PHLDB2: variants seen among roughly 807,000 people sequenced by gnomAD.
The protein encoded by PHLDB2 is pleckstrin homology-like domain family B member 2.
PHLDB2 carries 71 observed loss-of-function variants against 123.6 expected under a neutral mutation model. That is an observed-to-expected ratio of 0.57 (90% CI 0.47 to 0.70). The LOEUF (loss-of-function observed/expected upper bound fraction) is 0.70, where lower values mean the gene tolerates loss of function less well. Ranked by LOEUF, PHLDB2 falls within the 30% of genes least tolerant of loss-of-function variation. The pLI, the probability that PHLDB2 is intolerant of heterozygous loss-of-function variation, is 0.00. For synonymous variants in PHLDB2, 547 were observed against 541.6 expected (o/e 1.01, Z -0.14); for missense variants, 1,446 against 1,519.5 (o/e 0.95, Z 0.80).
At chr3:111,922,339 G>A (rs1350746819) in intron 5 of PHLDB2, among the ~76,000 whole-genome samples, 1 of 152,150 alleles carries the variant, frequency 6.6e-6, no homozygotes, top group Non-Finnish European at 1.5e-5. Flanking sequence ...TCACTTCCCA[G>A]GGAAAGTTAT....
At chr3:111,805,035 A>T (rs1032881214) in intron 1 of PHLDB2, among the ~76,000 whole-genome samples, 1 of 149,492 alleles carries the variant, frequency 6.7e-6, no homozygotes, top group Non-Finnish European at 1.5e-5. Flanking sequence ...GTAGAATTTG[A>T]AAGTGTCAAC....
intron 2 of PHLDB2, among the ~76,000 whole-genome samples, chr3:111,900,628 C>G (rs938230973): frequency 4.6e-5 from 7 of 152,064 alleles, no homozygotes. Flanking sequence ...GATCACTGAT[C>G]AGATCATCAT....
intron 1 of PHLDB2, among the ~76,000 whole-genome samples, chr3:111,790,462 C>G (rs2060867795): frequency 6.6e-6 from 1 of 152,212 alleles, no homozygotes; most frequent in South Asian, 2.1e-4. Context: ...CTAGTAGTCT[C>G]TTCATACTCT....
At chr3:111,767,905 T>C (rs2060109778) in intron 1 of PHLDB2, among the ~76,000 whole-genome samples, 1 of 152,180 alleles carries the variant, frequency 6.6e-6, no homozygotes, top group South Asian at 2.1e-4. Flanking sequence ...TTTTCCAAGT[T>C]CCTGCTTGGG....
At chr3:111,900,579 G>GT (rs983940019) in intron 2 of PHLDB2, among the ~76,000 whole-genome samples, 14 of 152,144 alleles carry the variant, frequency 9.2e-5, no homozygotes, top group Non-Finnish European at 2.1e-4. Context: ...TATGGGCATG[G>GT]TTTGTGGTGT....
intron 1 of PHLDB2, among the ~76,000 whole-genome samples, chr3:111,836,554 G>A (rs187148659): frequency 6.6e-6 from 1 of 152,232 alleles, no homozygotes; most frequent in Admixed American, 6.5e-5. Flanking sequence ...AACAAGGGAA[G>A]CTTTGGCTTT....
chr3:111,838,256 C>G (rs1316200389), intron 1 of PHLDB2, among the ~76,000 whole-genome samples: 1 of 152,152 alleles, frequency 6.6e-6, no homozygotes, highest in Admixed American at 6.5e-5. Flanking sequence ...CCGCCTTTAT[C>G]TCCTGATCGG....
chr3:111,792,302 T>C (rs749858021), intron 1 of PHLDB2, among the ~76,000 whole-genome samples: 52 of 152,196 alleles, frequency 3.4e-4, no homozygotes, highest in Non-Finnish European at 6.9e-4. Context: ...TATCCTTTCT[T>C]ATATAAAAGA....
intron 5 of PHLDB2, among the ~76,000 whole-genome samples, 182 bp downstream of exon 5, chr3:111,920,601 T>TG (rs959406974): frequency 3.9e-5 from 6 of 152,312 alleles, no homozygotes; most frequent in African/African-American, 1.4e-4. Flanking sequence ...TGCCAGGTAC[T>TG]GGGCAGCTGA....
intron 1 of PHLDB2, among the ~76,000 whole-genome samples, chr3:111,882,014 G>A (rs983710805): frequency 3.3e-5 from 5 of 151,838 alleles, no homozygotes; most frequent in African/African-American, 1.2e-4. Flanking sequence ...TTGTAAAAAA[G>A]CTGCCCTGAT....
chr3:111,893,791 A>G (rs370716587), intron 2 of PHLDB2, among the ~76,000 whole-genome samples: 1 of 149,748 alleles, frequency 6.7e-6, no homozygotes, highest in Admixed American at 6.7e-5. Context: ...AATTAGGTAT[A>G]ATATATTTGA....
At chr3:111,862,223 A>G (rs1242313623) in intron 1 of PHLDB2, among the ~76,000 whole-genome samples, 7 of 152,244 alleles carry the variant, frequency 4.6e-5, no homozygotes, top group South Asian at 2.1e-4. Flanking sequence ...AGGCAGTGCT[A>G]TGGTGCTGTG....
chr3:111,824,163 CTTGCTGGTCGGTTCT>C (rs1246798024), intron 1 of PHLDB2, among the ~76,000 whole-genome samples: 1 of 152,192 alleles, frequency 6.6e-6, no homozygotes, highest in Non-Finnish European at 1.5e-5. Flanking sequence ...TTCCAACCCA[CTTGCTGGTCGGTTCT>C]TTTCTCTCTG....
rs35687126 is a variant in PHLDB2 at position 111,822,295 on chromosome 3, A to ATGTGTGTG, written c.-48-23510_-48-23503dup. ...TCTCTCTGTCTCTCTATCTTTATGT[A>ATGTGTGTG]TGTGTGTGTGTGTGTGTGTGTGTAT... is the stretch of plus-strand genomic sequence containing the variant. On this transcript the variant is annotated intron_variant, in intron 1 of 17. Transcript: ENST00000393923. 3.7e-3 allele frequency among the ~76,000 whole-genome samples: 536 copies of ATGTGTGTG among 144,122 alleles called. 3 individuals are homozygous for ATGTGTGTG. Among genetic ancestry groups the ATGTGTGTG allele is most frequent in the East Asian group, 0.013 (65 of 4,954 alleles). The allele number at this position is 144,122 out of a possible 152,430, so 94.5% of individuals were successfully genotyped here.
intron 2 of PHLDB2, among the ~76,000 whole-genome samples, chr3:111,905,864 CA>C (rs2067498113): frequency 6.6e-6 from 1 of 151,680 alleles, no homozygotes; most frequent in Non-Finnish European, 1.5e-5. Context: ...TTACGTTTTT[CA>C]GGTTAGAGAA....
At chr3:111,785,637 T>C (rs769496065) in intron 1 of PHLDB2, among the ~76,000 whole-genome samples, 1 of 152,092 alleles carries the variant, frequency 6.6e-6, no homozygotes, top group Admixed American at 6.6e-5. Context: ...TTTTAACTAA[T>C]CTTAAACTCA....
intron 1 of PHLDB2, 134 bp from the exon 2 acceptor site, chr3:111,883,929 TA>T: frequency 1.3e-6 from 1 of 779,192 alleles, no homozygotes; most frequent in South Asian, 1.9e-5. Context: ...ACAGGTTTTT[TA>T]GTAAAACTGA....
intron 1 of PHLDB2, chr3:111,859,941 C>T (rs1023172007): frequency 4.5e-5 from 44 of 977,770 alleles, no homozygotes; most frequent in Admixed American, 1.9e-4. Context: ...GACAAAAGCC[C>T]GGGCTGGGGT....
intron 1 of PHLDB2, among the ~76,000 whole-genome samples, chr3:111,863,256 T>C (rs2064922660): frequency 6.6e-6 from 1 of 152,158 alleles, no homozygotes; most frequent in Admixed American, 6.5e-5. Flanking sequence ...ATAGCAGATG[T>C]TGCTTTTGAA....
Sources: gnomAD v4.1 joint callset for allele counts (sites outside exome capture counted in the v4.1 genomes callset) on GRCh38, gnomAD v4.1.1 for gene constraint, MANE v1.5 for transcripts, NCBI Gene and HGNC (gene_info 2026-07-23, HGNC 2026-07-21) for gene names.